SOX5: variants seen among roughly 807,000 people sequenced by gnomAD.
SOX5 encodes SRY-box transcription factor 5.
Under a neutral mutation model 92.0 loss-of-function variants are expected in SOX5, and 9 were observed. That is an observed-to-expected ratio of 0.10 (90% CI 0.06 to 0.17). The LOEUF (loss-of-function observed/expected upper bound fraction) is 0.17, where lower values mean the gene tolerates loss of function less well. SOX5 is among the 10% of genes least tolerant of loss of function. The pLI, the probability that SOX5 is intolerant of heterozygous loss-of-function variation, is 1.00. For synonymous variants in SOX5, 344 were observed against 336.3 expected, an observed-to-expected ratio of 1.02 and a Z score of -0.25; for missense variants, 642 against 944.5, an observed-to-expected ratio of 0.68 and a Z score of 4.20.
intron 1 of SOX5, among the ~76,000 whole-genome samples, chr12:24,541,405 AT>A (rs1952114335): frequency 1.3e-5 from 2 of 152,180 alleles, no homozygotes; most frequent in Non-Finnish European, 2.9e-5. Flanking sequence ...CTAAGGTTTT[AT>A]TTCTTATTAG....
At chr12:23,615,487 T>C (rs2076447995) in intron 8 of SOX5, among the ~76,000 whole-genome samples, 1 of 152,196 alleles carries the variant, frequency 6.6e-6, no homozygotes, top group African/African-American at 2.4e-5. Flanking sequence ...TTTTCTGTTC[T>C]TCTCCCTTTT....
At chr12:24,358,932 C>T (rs866982224) in intron 2 of SOX5, among the ~76,000 whole-genome samples, 2 of 152,158 alleles carry the variant, frequency 1.3e-5, no homozygotes, top group East Asian at 1.9e-4. Context: ...TAAAGTCTCA[C>T]GTTTACCTTA....
chr12:23,969,763 C>G (rs10743487), intron 4 of SOX5, among the ~76,000 whole-genome samples: 148,110 of 152,290 alleles, frequency 0.97, 72,175 homozygotes, highest in East Asian at 1. Flanking sequence ...AGCTTTACAT[C>G]GGTAAAAAAG....
chr12:23,532,341 G>C lies in SOX5; in HGVS notation c.*1878C>G, dbSNP rs1379510091. 1 of 152,128 alleles carries C rather than the reference G, an allele frequency of 6.6e-6. No homozygotes were observed. Among genetic ancestry groups the C allele is most frequent in the Non-Finnish European group, 1.5e-5 (1 of 68,032 alleles). The allele number at this position is 152,128 out of a possible 1,614,324, so 9.4% of individuals were successfully genotyped here. On this transcript the variant is annotated 3_prime_UTR_variant, in exon 15 of 15. Coordinates refer to ENST00000451604, the MANE Select transcript of SOX5 (RefSeq NM_006940.6). Reference sequence around the variant, plus strand: ...ATTTATATGTAAAAATCCAACTTTAGGGTGGTGTTTCGGGGGGTGAGATAG... The same window carrying C: ...ATTTATATGTAAAAATCCAACTTTACGGTGGTGTTTCGGGGGGTGAGATAG...
intron 3 of SOX5, among the ~76,000 whole-genome samples, chr12:24,273,692 G>C (rs1342254241): frequency 1.3e-5 from 2 of 151,884 alleles, no homozygotes; most frequent in African/African-American, 4.8e-5. Flanking sequence ...TGTTAATTTT[G>C]TTCTTACTTT....
intron 4 of SOX5, among the ~76,000 whole-genome samples, chr12:24,154,832 G>T (rs1002036047): frequency 9.9e-5 from 15 of 151,866 alleles, no homozygotes; most frequent in Admixed American, 6.6e-5. Context: ...TACACTGATA[G>T]AATTAATAAT....
intron 4 of SOX5, among the ~76,000 whole-genome samples, chr12:23,746,276 C>T (rs1358996462): frequency 6.6e-6 from 1 of 152,130 alleles, no homozygotes; most frequent in Non-Finnish European, 1.5e-5. Flanking sequence ...GGAATATTAA[C>T]TAGATCCTTG....
At chr12:24,551,490 T>C (rs1953159587) in intron 1 of SOX5, among the ~76,000 whole-genome samples, 1 of 152,256 alleles carries the variant, frequency 6.6e-6, no homozygotes. Flanking sequence ...GATATTTTTG[T>C]ATAACGTAAA....
chr12:24,368,971 C>T (rs1956441242), intron 1 of SOX5, among the ~76,000 whole-genome samples: 3 of 152,148 alleles, frequency 2.0e-5, no homozygotes. Context: ...ACCCTGGTTC[C>T]ACCACACTAT....
At chr12:23,751,248 T>C (rs1269487993) in intron 4 of SOX5, among the ~76,000 whole-genome samples, 1 of 151,906 alleles carries the variant, frequency 6.6e-6, no homozygotes, top group Non-Finnish European at 1.5e-5. Flanking sequence ...AACCCCTTTG[T>C]AAAAATGTGC....
chr12:24,222,628 T>C (rs1960760932), intron 3 of SOX5, among the ~76,000 whole-genome samples: 1 of 152,006 alleles, frequency 6.6e-6, no homozygotes, highest in Admixed American at 6.6e-5. Context: ...TTTCGCAAAA[T>C]GAGGGAATGG....
chr12:23,889,197 T>C (rs1199465070), intron 2 of SOX5, among the ~76,000 whole-genome samples: 1 of 152,210 alleles, frequency 6.6e-6, no homozygotes, highest in African/African-American at 2.4e-5. Flanking sequence ...ATAACCACAC[T>C]GGTTTAACAA....
chr12:24,268,883 T>A (rs958351148), intron 3 of SOX5, among the ~76,000 whole-genome samples: 1 of 152,174 alleles, frequency 6.6e-6, no homozygotes. Context: ...TCAGTCATAT[T>A]CAGTATTTTG....
intron 8 of SOX5, among the ~76,000 whole-genome samples, chr12:23,609,659 C>A (rs2075716381): frequency 6.6e-6 from 1 of 151,760 alleles, no homozygotes; most frequent in African/African-American, 2.4e-5. Context: ...AAAGCCAAAA[C>A]ACATATACTA....
chr12:24,246,102 C>T (rs1212945148), intron 3 of SOX5, among the ~76,000 whole-genome samples: 2 of 152,156 alleles, frequency 1.3e-5, no homozygotes, highest in Admixed American at 6.6e-5. Flanking sequence ...TTCGACATTA[C>T]ACCACTGGTG....
Position 24,093,045 on chromosome 12 carries a change from G to C in SOX5, c.-2+120298C>G, listed in dbSNP as rs191374514. ...CATGAGCTAAATAAAAAAATCATGA[G>C]CTAAATAAAAAAATCATGAGCTAAA... On this transcript the variant is annotated intron_variant, in intron 4 of 4. Coordinates refer to the SOX5 transcript ENST00000446891. Among the ~76,000 whole-genome samples the C allele has an allele frequency of 2.0e-5, 3 of 152,228 alleles. No homozygotes were observed. In the East Asian group the frequency reaches 5.8e-4, roughly 29 times the overall value.
intron 2 of SOX5, among the ~76,000 whole-genome samples, chr12:24,357,894 C>T (rs1474447184): frequency 6.6e-6 from 1 of 151,674 alleles, no homozygotes; most frequent in Non-Finnish European, 1.5e-5. Context: ...TTGTATGCCT[C>T]AGTTTAGCCA....
At chr12:24,212,846 T>G (rs2139690928) in intron 4 of SOX5, among the ~76,000 whole-genome samples, 1 of 152,328 alleles carries the variant, frequency 6.6e-6, no homozygotes, top group Middle Eastern at 3.4e-3. Flanking sequence ...ACTATTAGCG[T>G]TGGCAAACAG....
At chr12:24,329,829 C>G (rs1375589211) in intron 2 of SOX5, among the ~76,000 whole-genome samples, 1 of 152,090 alleles carries the variant, frequency 6.6e-6, no homozygotes, top group East Asian at 1.9e-4. Flanking sequence ...TTGAGACCAG[C>G]CTGGCCAACA....
Sources: gnomAD v4.1 joint callset for allele counts (sites outside exome capture counted in the v4.1 genomes callset) on GRCh38, gnomAD v4.1.1 for gene constraint, MANE v1.5 for transcripts, NCBI Gene and HGNC (gene_info 2026-07-23, HGNC 2026-07-21) for gene names.